Variants in SDK1 observed in about 807,000 individuals in gnomAD.
The protein encoded by SDK1 is protein sidekick-1.
In SDK1, 157 loss-of-function variants were observed where a neutral mutation model predicts 245.5. The observed-to-expected ratio is 0.64, with a 90% CI of 0.56 to 0.73. The LOEUF is 0.73. Ranked by LOEUF, SDK1 falls within the 30% of genes least tolerant of loss-of-function variation. The pLI is 0.00. For synonymous variants in SDK1, 1,647 were observed against 1,278.5 expected, an observed-to-expected ratio of 1.29 and a Z score of -6.15; for missense variants, 3,583 against 3,002.3, an observed-to-expected ratio of 1.19 and a Z score of -4.52.
chr7:4,048,746 A>G (rs956784131), intron 17 of SDK1, among the ~76,000 whole-genome samples: 6 of 152,216 alleles, frequency 3.9e-5, no homozygotes, highest in Admixed American at 1.3e-4. Context: ...TAGAAAGGGC[A>G]TGCCCTGAAG....
chr7:3,390,981 G>T (rs540254135), intron 1 of SDK1, among the ~76,000 whole-genome samples: 1 of 152,284 alleles, frequency 6.6e-6, no homozygotes, highest in African/African-American at 2.4e-5. Context: ...CTCTTCCACA[G>T]AGCCAATGTC....
intron 1 of SDK1, among the ~76,000 whole-genome samples, chr7:3,467,029 C>CAGAG (rs59335723): frequency 0.011 from 1,508 of 137,572 alleles, 33 homozygotes; most frequent in African/African-American, 0.038. Flanking sequence ...CACACACACA[C>CAGAG]AGAGATGTAA....
rs981735930 is a variant in SDK1 at position 3,303,571 on chromosome 7, C to T, written c.298+1687C>T. ...AAAATATATTAAGGCAACAACCGAA[C>T]TTTGTTAGGAATATTTTATTCCTTT... On this transcript the variant is annotated intron_variant, in intron 1 of 44. Transcript: ENST00000404826. Among the ~76,000 whole-genome samples, 17 of 57,102 alleles carry T rather than the reference C, an allele frequency of 3.0e-4. No homozygotes were observed. In the African/African-American group the frequency reaches 3.0e-3, roughly 10 times the overall value. The allele number at this position is 57,102 out of a possible 152,430, so 37.5% of individuals were successfully genotyped here.
At chr7:3,428,035 T>C (rs960594401) in intron 1 of SDK1, among the ~76,000 whole-genome samples, 5 of 152,208 alleles carry the variant, frequency 3.3e-5, no homozygotes, top group Non-Finnish European at 7.3e-5. Context: ...CCCAATTCCC[T>C]CTTTGGATTA....
intron 5 of SDK1, among the ~76,000 whole-genome samples, chr7:3,872,372 T>G (rs957011536): frequency 2.6e-5 from 4 of 152,112 alleles, no homozygotes; most frequent in African/African-American, 9.7e-5. Flanking sequence ...AGTTGTTATG[T>G]TCGGAAGATT....
intron 22 of SDK1, among the ~76,000 whole-genome samples, chr7:4,093,006 T>G (rs1162767777): frequency 6.6e-6 from 1 of 152,158 alleles, no homozygotes; most frequent in Non-Finnish European, 1.5e-5. Flanking sequence ...ACCAAGAAGG[T>G]TTTATTACTT....
intron 5 of SDK1, among the ~76,000 whole-genome samples, chr7:3,903,747 A>G (rs1449712617): frequency 6.6e-6 from 1 of 152,124 alleles, no homozygotes; most frequent in East Asian, 1.9e-4. Context: ...CCAAGCCTCA[A>G]GTTGAAATTT....
At chr7:3,561,873 C>G (rs1779762618) in intron 1 of SDK1, among the ~76,000 whole-genome samples, 2 of 152,182 alleles carry the variant, frequency 1.3e-5, no homozygotes, top group African/African-American at 4.8e-5. Flanking sequence ...TATAAGGAAC[C>G]TGTAAGTCAT....
chr7:3,823,328 A>T (rs1416170555), intron 5 of SDK1, among the ~76,000 whole-genome samples: 1 of 152,204 alleles, frequency 6.6e-6, no homozygotes, highest in African/African-American at 2.4e-5. Flanking sequence ...CAATTGTAAT[A>T]TAACTACCAG....
intron 4 of SDK1, among the ~76,000 whole-genome samples, chr7:3,746,461 A>T (rs1006123391): frequency 6.6e-6 from 1 of 152,168 alleles, no homozygotes; most frequent in Non-Finnish European, 1.5e-5. Context: ...TTTCTCTGTA[A>T]TGTGCACTGC....
rs545333593 is a variant in SDK1, at chr7:4,057,102, T to A, written c.2911+5272T>A. Among the ~76,000 whole-genome samples the A allele has an allele frequency of 2.0e-5, 3 of 152,240 alleles. No individual in the cohort carries two copies. The South Asian group carries it at 6.2e-4, about 32-fold the overall frequency. Reference sequence around the variant, plus strand: ...CTCCCACCCACAGTTGCCACCTGGGTCTGAAGCACACCTCCCCAGCAGCAG... The same window carrying A: ...CTCCCACCCACAGTTGCCACCTGGGACTGAAGCACACCTCCCCAGCAGCAG... On this transcript the variant is annotated intron_variant, in intron 19 of 44. Coordinates refer to ENST00000404826, the MANE Select transcript of SDK1 (RefSeq NM_152744.4).
At chr7:3,980,960 A>T (rs907986908) in intron 13 of SDK1, among the ~76,000 whole-genome samples, 1 of 152,172 alleles carries the variant, frequency 6.6e-6, no homozygotes, top group Admixed American at 6.5e-5. Flanking sequence ...AAGAAAGAAA[A>T]AAAGAAATAG....
intron 32 of SDK1, among the ~76,000 whole-genome samples, chr7:4,169,786 C>T (rs1380299882): frequency 1.3e-5 from 2 of 152,172 alleles, no homozygotes; most frequent in African/African-American, 4.8e-5. Context: ...TTCCTGGTGG[C>T]TCTGGCACTG....
At chr7:3,443,889 A>T (rs1780268048) in intron 1 of SDK1, among the ~76,000 whole-genome samples, 1 of 152,280 alleles carries the variant, frequency 6.6e-6, no homozygotes, top group South Asian at 2.1e-4. Flanking sequence ...AAACCACAGC[A>T]GAACATGATG....
At chr7:4,211,408 G>A (rs1584456301) in intron 38 of SDK1, among the ~76,000 whole-genome samples, 1 of 152,176 alleles carries the variant, frequency 6.6e-6, no homozygotes, top group East Asian at 1.9e-4. Context: ...TCCTACAGGA[G>A]AGCGGCGAGA....
intron 18 of SDK1, 138 bp downstream of exon 18, chr7:4,049,601 ACCATTTAT>A (rs1342982692): frequency 1.6e-6 from 1 of 631,804 alleles, no homozygotes; most frequent in Non-Finnish European, 2.8e-6. Context: ...TGGTGAGACC[ACCATTTAT>A]CCAAAGTCTT....
In SDK1 at chr7:4,178,477, C is replaced by T; in HGVS notation, c.4997-8C>T. On this transcript the variant is annotated splice_polypyrimidine_tract_variant and splice_region_variant and intron_variant, in intron 34 of 44. Coordinates refer to ENST00000404826, the MANE Select transcript of SDK1 (RefSeq NM_152744.4). ...GGAAGCTGATCCATATTTCCTTCAACCCTGCAGATTTAAAGAAGTACCGGC... is the reference window on the plus strand; with the variant it reads ...GGAAGCTGATCCATATTTCCTTCAATCCTGCAGATTTAAAGAAGTACCGGC... 1 of 1,600,204 alleles carries T rather than the reference C, an allele frequency of 6.2e-7. No individual in the cohort carries two copies. Among genetic ancestry groups the T allele is most frequent in the Non-Finnish European group, 8.6e-7 (1 of 1,167,308 alleles).
intron 1 of SDK1, among the ~76,000 whole-genome samples, chr7:3,356,716 G>A (rs1446039651): frequency 5.3e-5 from 8 of 152,166 alleles, no homozygotes; most frequent in Admixed American, 5.2e-4. Flanking sequence ...TTTCCTGATA[G>A]GAATTTTGGG....
At chr7:3,499,054 C>T (rs1374480839) in intron 1 of SDK1, among the ~76,000 whole-genome samples, 1 of 152,174 alleles carries the variant, frequency 6.6e-6, no homozygotes, top group African/African-American at 2.4e-5. Flanking sequence ...TCTGATGTTG[C>T]ATATCACACT....
Sources: allele counts gnomAD v4.1 joint callset (sites outside exome capture counted in the v4.1 genomes callset), GRCh38; gene constraint gnomAD v4.1.1; transcripts MANE v1.5; gene names NCBI Gene and HGNC (gene_info 2026-07-23, HGNC 2026-07-21).